Variants in PDZK1 observed in about 807,000 individuals in gnomAD.
PDZK1 encodes the protein Na(+)/H(+) exchange regulatory cofactor NHE-RF3.
In PDZK1, 23 loss-of-function variants were observed where a neutral mutation model predicts 38.1. The ratio of observed to expected loss-of-function variants is 0.60; its 90% CI spans 0.43 to 0.85. The LOEUF is 0.85. PDZK1 is among the 40% of genes least tolerant of loss of function. The pLI is 0.00. For synonymous variants in PDZK1, 98 were observed against 186.2 expected, an observed-to-expected ratio of 0.53 and a Z score of 3.86; for missense variants, 297 against 504.3, an observed-to-expected ratio of 0.59 and a Z score of 3.94.
At chr1:145,676,186 G>A in intron 6 of PDZK1, 2 of 984,670 alleles carry the variant, frequency 2.0e-6, no homozygotes, top group Non-Finnish European at 2.4e-6. Flanking sequence ...AGATGATGAG[G>A]GCAGGCTTCT....
chr1:145,693,699 G>A lies in PDZK1; in HGVS notation c.-2-5676C>T, dbSNP rs946417207. ...TGAGGCAGGAGAATGGCGTGAACCC[G>A]GAAGGCGGAGCTTGCAGTGAGCTGA... is the stretch of plus-strand genomic sequence containing the variant. On this transcript the variant is annotated intron_variant, in intron 1 of 8. Coordinates refer to ENST00000417171, the MANE Select transcript of PDZK1 (RefSeq NM_001201325.2). Among the ~76,000 whole-genome samples, 11 of 151,970 alleles carry A rather than the reference G, an allele frequency of 7.2e-5. 1 individual carries two copies. Among genetic ancestry groups the A allele is most frequent in the South Asian group, 6.3e-4 (3 of 4,796 alleles).
chr1:145,677,910 T>TAAAAAAAAAAAAAAAA (rs71077285), intron 6 of PDZK1, among the ~76,000 whole-genome samples: 1 of 68,588 alleles, frequency 1.5e-5, no homozygotes, highest in Non-Finnish European at 2.7e-5. Context: ...GTGTTAAAAG[T>TAAAAAAAAAAAAAAAA]AAAAAAAAAA....
intron 3 of PDZK1, among the ~76,000 whole-genome samples, chr1:145,684,559 T>G (rs2101897488): frequency 6.6e-6 from 1 of 152,312 alleles, no homozygotes; most frequent in African/African-American, 2.4e-5. Context: ...TTATAGGGTG[T>G]GTGTCATATT....
rs1652994123 is a variant in PDZK1, at chr1:145,671,230, AAGTT to A, written c.*202_*205del. Reference sequence around the variant, plus strand: ...TCTAGCTCTTGCCTTATCTCTTCCTAAGTTAAGCATAAATTAGCCGTCTGCAATA... The same window carrying A: ...TCTAGCTCTTGCCTTATCTCTTCCTAAAGCATAAATTAGCCGTCTGCAATA... On this transcript the variant is annotated 3_prime_UTR_variant, in exon 9 of 9. Transcript: ENST00000417171. 1 of 1,084,908 alleles carries A rather than the reference AAGTT, an allele frequency of 9.2e-7. No homozygotes were observed. The allele number at this position is 1,084,908 out of a possible 1,614,324, so 67.2% of individuals were successfully genotyped here.
At chr1:145,697,106 T>A (rs920282953) in intron 1 of PDZK1, among the ~76,000 whole-genome samples, 11 of 152,046 alleles carry the variant, frequency 7.2e-5, no homozygotes, top group Admixed American at 1.3e-4. Flanking sequence ...GGCGGGTAGA[T>A]CATTTGAGGT....
chr1:145,683,651 G>A (rs1553700872), intron 3 of PDZK1, among the ~76,000 whole-genome samples: 2 of 152,098 alleles, frequency 1.3e-5, no homozygotes, highest in African/African-American at 4.8e-5. Context: ...GTGGAGGCCT[G>A]AAACTTTAAG....
At chr1:145,676,199 T>G in intron 6 of PDZK1, 2 of 984,258 alleles carry the variant, frequency 2.0e-6, no homozygotes, top group Non-Finnish European at 2.4e-6. Flanking sequence ...AGGCTTCTTT[T>G]TCGATCAAAG....
chr1:145,700,434 A>G (rs1040321376), intron 1 of PDZK1, among the ~76,000 whole-genome samples: 1 of 152,214 alleles, frequency 6.6e-6, no homozygotes, highest in Non-Finnish European at 1.5e-5. Flanking sequence ...ATAGGGACCC[A>G]AGGAACAGAC....
At chr1:145,704,014 A>T (rs1553705371) in intron 1 of PDZK1, among the ~76,000 whole-genome samples, 1 of 152,070 alleles carries the variant, frequency 6.6e-6, no homozygotes, top group East Asian at 1.9e-4. Context: ...TTTTTAGTAG[A>T]GATGGGGTTT....
intron 8 of PDZK1, 183 bp from the exon 9 acceptor site, chr1:145,671,672 G>A: frequency 5.4e-6 from 3 of 554,880 alleles, no homozygotes; most frequent in South Asian, 2.1e-5. Context: ...TATCAGTATT[G>A]TAATGGGAAC....
intron 1 of PDZK1, among the ~76,000 whole-genome samples, chr1:145,702,564 C>T (rs1420478143): frequency 6.6e-6 from 1 of 151,908 alleles, no homozygotes. Context: ...TTTTATTATA[C>T]TACCATCTCA....
At chr1:145,694,207 A>G (rs1655481366) in intron 1 of PDZK1, among the ~76,000 whole-genome samples, 1 of 152,232 alleles carries the variant, frequency 6.6e-6, no homozygotes, top group Non-Finnish European at 1.5e-5. Context: ...AGCTGAGGCC[A>G]TTCCTCATCC....
chr1:145,695,713 A>C (rs1004567757), intron 1 of PDZK1, among the ~76,000 whole-genome samples: 5 of 152,110 alleles, frequency 3.3e-5, no homozygotes, highest in Admixed American at 3.3e-4. Flanking sequence ...TCAAGCAAAG[A>C]CACACTGCAG....
chr1:145,706,147 G>A (rs782273244), intron 1 of PDZK1, among the ~76,000 whole-genome samples: 4 of 152,140 alleles, frequency 2.6e-5, no homozygotes, highest in Non-Finnish European at 5.9e-5. Flanking sequence ...GGCTCCAGTT[G>A]GCTAAGTAGT....
chr1:145,672,938 T>C lies in PDZK1; in HGVS notation c.1298A>G (p.Asp433Gly). 3 of 1,592,494 alleles carry C rather than the reference T, an allele frequency of 1.9e-6. No homozygotes were observed. The highest frequency in any genetic ancestry group is 2.6e-6 in the Non-Finnish European group (3 of 1,162,856). The change falls in exon 8 of 9, where the codon GAT becomes GGT. Residue 433 changes from aspartate (D) to glycine (G), a missense_variant. By Grantham distance (94) the Asp-to-Gly change is moderately conservative. Coordinates refer to ENST00000417171, the MANE Select transcript of PDZK1 (RefSeq NM_001201325.2). ...ATCCACCACCTTCTCATAGGGTTCA[T>C]CTAGCACATTCACCCCATTCACTTC... ...IIEVNGVNVL[D>G]EPYEKVVDRI... is the part of the protein sequence containing the mutation.
At chr1:145,681,984 A>G (rs1364666689) in intron 4 of PDZK1, among the ~76,000 whole-genome samples, 1 of 92,274 alleles carries the variant, frequency 1.1e-5, no homozygotes, top group African/African-American at 5.0e-5. Flanking sequence ...AGCCTGGCCA[A>G]CATAGTGAGA....
rs782820373 is a variant in PDZK1, at chr1:145,687,932, G to A, written c.90C>T (p.Thr30=). Reference sequence around the variant, plus strand: ...CAACCACCCGGACCAGGTGGCCCTCGGTGTCCTTCTCAATTCGCAGGAAGA... The same window carrying A: ...CAACCACCCGGACCAGGTGGCCCTCAGTGTCCTTCTCAATTCGCAGGAAGA... ...YGFFLRIEKD[T]EGHLVRVVEK... The change falls in exon 2 of 9, where the codon ACC becomes ACT. Residue 30 remains threonine (T), a synonymous_variant. Coordinates refer to ENST00000417171, the MANE Select transcript of PDZK1 (RefSeq NM_001201325.2). The A allele has an allele frequency of 2.7e-5, 43 of 1,612,042 alleles. 3 individuals carry two copies. Among genetic ancestry groups the A allele is most frequent in the South Asian group, 2.3e-4 (21 of 90,940 alleles).
intron 1 of PDZK1, among the ~76,000 whole-genome samples, chr1:145,694,044 T>C (rs1310801620): frequency 2.0e-5 from 3 of 152,150 alleles, no homozygotes; most frequent in Non-Finnish European, 4.4e-5. Flanking sequence ...CTGCAATCTG[T>C]TCCTTGTGCC....
intron 1 of PDZK1, among the ~76,000 whole-genome samples, chr1:145,700,899 A>T (rs1655918504): frequency 6.6e-6 from 1 of 152,130 alleles, no homozygotes; most frequent in Non-Finnish European, 1.5e-5. Flanking sequence ...CCATGAAAAC[A>T]CTAAACACTA....
Sources: allele counts gnomAD v4.1 joint callset (sites outside exome capture counted in the v4.1 genomes callset), GRCh38; gene constraint gnomAD v4.1.1; transcripts MANE v1.5; gene names NCBI Gene and HGNC (gene_info 2026-07-23, HGNC 2026-07-21).